Variants in NAV2 observed in about 807,000 individuals in gnomAD.
NAV2 encodes helicase, APC down-regulated 1.
NAV2 carries 54 observed loss-of-function variants against 223.2 expected under a neutral mutation model. The ratio of observed to expected loss-of-function variants is 0.24; its 90% CI spans 0.19 to 0.30. The LOEUF (loss-of-function observed/expected upper bound fraction) is 0.30. Ranked by LOEUF, NAV2 falls within the 10% of genes least tolerant of loss-of-function variation. The pLI, the probability that NAV2 is intolerant of heterozygous loss-of-function variation, is 1.00. For missense variants in NAV2, 2,806 were observed against 3,147.5 expected, an observed-to-expected ratio of 0.89 and a Z score of 2.60; for synonymous variants, 1,279 against 1,239.3, an observed-to-expected ratio of 1.03 and a Z score of -0.67.
intron 1 of NAV2, among the ~76,000 whole-genome samples, chr11:19,469,174 C>G (rs1330078359): frequency 6.6e-6 from 1 of 152,160 alleles, no homozygotes; most frequent in East Asian, 1.9e-4. Context: ...TCCAAGGAAC[C>G]CACTGCCTCC....
chr11:19,483,409 C>G (rs553941947), intron 1 of NAV2, among the ~76,000 whole-genome samples: 154 of 152,266 alleles, frequency 1.0e-3, no homozygotes, highest in Admixed American at 1.8e-3. Context: ...TATTGTTGTG[C>G]TTCTGTTCAA....
intron 1 of NAV2, among the ~76,000 whole-genome samples, chr11:19,530,239 T>C (rs2043986828): frequency 6.6e-6 from 1 of 152,172 alleles, no homozygotes; most frequent in Non-Finnish European, 1.5e-5. Context: ...GAGGTAGCTG[T>C]AGTTACAGGA....
chr11:19,356,327 A>G (rs1002123443), intron 1 of NAV2, among the ~76,000 whole-genome samples: 1 of 152,168 alleles, frequency 6.6e-6, no homozygotes, highest in African/African-American at 2.4e-5. Context: ...ATCTCAATGA[A>G]GAGAATGTGA....
At chr11:19,791,369 A>G (rs1440039343) in intron 1 of NAV2, among the ~76,000 whole-genome samples, 1 of 152,054 alleles carries the variant, frequency 6.6e-6, no homozygotes, top group Admixed American at 6.6e-5. Flanking sequence ...TGCACCCACC[A>G]ATCTGCTGGG....
chr11:19,695,787 C>T (rs2049313389), intron 1 of NAV2, among the ~76,000 whole-genome samples: 1 of 151,220 alleles, frequency 6.6e-6, no homozygotes, highest in Admixed American at 6.6e-5. Flanking sequence ...GCCTATAATC[C>T]CAGCTCCTCA....
intron 10 of NAV2, among the ~76,000 whole-genome samples, chr11:19,949,779 AG>A (rs2047234045): frequency 2.0e-5 from 3 of 152,212 alleles, no homozygotes; most frequent in African/African-American, 7.2e-5. Context: ...AGTACCATAA[AG>A]CAAGGACTTG....
At chr11:20,097,469 C>T (rs1480366004) in intron 30 of NAV2, 108 bp from the exon 31 acceptor site, 3 of 919,784 alleles carry the variant, frequency 3.3e-6, no homozygotes, top group African/African-American at 3.4e-5. Context: ...TCAACTCAGA[C>T]ATCTGAGAAA....
chr11:19,589,887 A>G (rs1030148962), intron 1 of NAV2, among the ~76,000 whole-genome samples: 4 of 152,208 alleles, frequency 2.6e-5, no homozygotes, highest in Admixed American at 6.5e-5. Context: ...GTCAGGAGGA[A>G]GAAGCATCCA....
chr11:19,836,418 G>A (rs911273454), intron 2 of NAV2, among the ~76,000 whole-genome samples: 1 of 151,914 alleles, frequency 6.6e-6, no homozygotes, highest in Non-Finnish European at 1.5e-5. Context: ...TTAGCCGGGC[G>A]CGGTGGCGGG....
chr11:19,480,060 C>T (rs566652330), intron 1 of NAV2, among the ~76,000 whole-genome samples: 16 of 152,284 alleles, frequency 1.1e-4, no homozygotes, highest in Non-Finnish European at 1.6e-4. Flanking sequence ...TGAGTAGTTA[C>T]AAGAGACTGT....
chr11:19,652,652 C>T (rs1320265737), intron 1 of NAV2, among the ~76,000 whole-genome samples: 3 of 152,184 alleles, frequency 2.0e-5, no homozygotes, highest in Admixed American at 6.5e-5. Context: ...GCACAAGTGT[C>T]GCTTTATCCT....
chr11:19,670,013 T>C (rs2048534669), intron 1 of NAV2, among the ~76,000 whole-genome samples: 1 of 152,210 alleles, frequency 6.6e-6, no homozygotes, highest in Non-Finnish European at 1.5e-5. Context: ...CAAAGTCCCA[T>C]GCGATCCAGC....
At chr11:19,634,329 G>A (rs533016404) in intron 1 of NAV2, among the ~76,000 whole-genome samples, 9 of 152,276 alleles carry the variant, frequency 5.9e-5, no homozygotes, top group African/African-American at 2.2e-4. Flanking sequence ...AGACCCTGGG[G>A]TCTACTTGAA....
chr11:19,554,435 T>G (rs1298884345), intron 1 of NAV2, among the ~76,000 whole-genome samples: 1 of 152,162 alleles, frequency 6.6e-6, no homozygotes, highest in Non-Finnish European at 1.5e-5. Context: ...GACACCAGGC[T>G]CCATTGCCCA....
intron 1 of NAV2, among the ~76,000 whole-genome samples, chr11:19,438,926 G>A (rs1011003638): frequency 2.6e-5 from 4 of 152,026 alleles, no homozygotes; most frequent in Admixed American, 1.3e-4. Flanking sequence ...TCATTAAGTG[G>A]CATAATTGAT....
intron 1 of NAV2, among the ~76,000 whole-genome samples, chr11:19,783,725 A>G (rs751643223): frequency 2.6e-4 from 39 of 152,158 alleles, no homozygotes; most frequent in Non-Finnish European, 5.0e-4. Flanking sequence ...CAGTTTCTTC[A>G]TCTGTAAAAT....
intron 1 of NAV2, among the ~76,000 whole-genome samples, chr11:19,775,222 A>G (rs563589498): frequency 6.6e-6 from 1 of 152,346 alleles, no homozygotes; most frequent in South Asian, 2.1e-4. Context: ...TGCTTTTTCA[A>G]ATGACACATG....
At chr11:20,110,637 T>G (rs952516706) in intron 36 of NAV2, among the ~76,000 whole-genome samples, 1 of 152,202 alleles carries the variant, frequency 6.6e-6, no homozygotes, top group African/African-American at 2.4e-5. Context: ...CACCCATCAC[T>G]CCACTGAGAA....
intron 8 of NAV2, among the ~76,000 whole-genome samples, chr11:19,942,115 A>G (rs1178011872): frequency 6.6e-6 from 1 of 152,196 alleles, no homozygotes; most frequent in Non-Finnish European, 1.5e-5. Flanking sequence ...AGACCTCTCC[A>G]TATCTGTGAG....
Sources: allele counts gnomAD v4.1 joint callset (sites outside exome capture counted in the v4.1 genomes callset), GRCh38; gene constraint gnomAD v4.1.1; transcripts MANE v1.5; gene names NCBI Gene and HGNC (gene_info 2026-07-23, HGNC 2026-07-21).